NTPCR: variants seen among roughly 807,000 people sequenced by gnomAD.
NTPCR encodes cancer-related nucleoside-triphosphatase.
A neutral mutation model predicts 19.5 loss-of-function variants in NTPCR; 15 were observed. The observed-to-expected ratio is 0.77, with a 90% CI of 0.51 to 1.18. The LOEUF (loss-of-function observed/expected upper bound fraction) is 1.18, where lower values mean the gene tolerates loss of function less well. Among genes scored for constraint, NTPCR ranks in the 50% most tolerant of loss-of-function variants. The pLI, the probability that NTPCR is intolerant of heterozygous loss-of-function variation, is 0.00. For missense variants in NTPCR, 206 were observed against 240.4 expected (o/e 0.86, Z 0.95); for synonymous variants, 90 against 95.8 (o/e 0.94, Z 0.36).
chr1:232,952,652 A>G (rs1668401358), intron 1 of NTPCR, among the ~76,000 whole-genome samples: 1 of 151,514 alleles, frequency 6.6e-6, no homozygotes, highest in Non-Finnish European at 1.5e-5. Context: ...CTAGTACTAC[A>G]GGCATGCACC....
chr1:232,968,966 G>A (rs1219668851), intron 3 of NTPCR: 1 of 152,224 alleles, frequency 6.6e-6, no homozygotes. Flanking sequence ...TTAGTTATAT[G>A]TTGCTATGGA....
Position 232,955,733 on chromosome 1 carries a change from A to T in NTPCR, c.197+14A>T, listed in dbSNP as rs375009699. The T allele has an allele frequency of 1.2e-6, 2 of 1,612,232 alleles. No homozygotes were observed. The highest frequency in any genetic ancestry group is 1.7e-6 in the Non-Finnish European group (2 of 1,178,882). Reference sequence around the variant, plus strand: ...ATCGAGAGTTGGGTACTGATATTTCATTTCTGTGGTGTTCTATTATCTAAG... The same window carrying T: ...ATCGAGAGTTGGGTACTGATATTTCTTTTCTGTGGTGTTCTATTATCTAAG... On this transcript the variant is annotated intron_variant, in intron 2 of 4. Transcript: ENST00000366628.
At chr1:232,975,398 A>G (rs942865193) in intron 4 of NTPCR, among the ~76,000 whole-genome samples, 2 of 152,232 alleles carry the variant, frequency 1.3e-5, no homozygotes, top group Non-Finnish European at 2.9e-5. Flanking sequence ...TGCTGGGCAC[A>G]GATGCAGTAC....
In NTPCR at chr1:232,980,088, CT is replaced by C. The variant is rs1360519845; in HGVS notation, c.*1860del. On this transcript the variant is annotated 3_prime_UTR_variant, in exon 5 of 5. Coordinates refer to ENST00000366628, the MANE Select transcript of NTPCR (RefSeq NM_032324.3). Reference sequence around the variant, plus strand: ...GTTTCAGCCGTGTCTGTTTTGTAGACTTTGATTTTGTCTTAAATGAGAAAGA... The same window carrying C: ...GTTTCAGCCGTGTCTGTTTTGTAGACTTGATTTTGTCTTAAATGAGAAAGA... 6.6e-6 allele frequency: 1 copy of C among 152,200 alleles called. No homozygotes were observed. Among genetic ancestry groups the C allele is most frequent in the Non-Finnish European group, 1.5e-5 (1 of 68,060 alleles). The allele number at this position is 152,200 out of a possible 1,614,324, so 9.4% of individuals were successfully genotyped here.
intron 2 of NTPCR, 49 bp from the exon 3 acceptor site, chr1:232,956,298 A>C (rs1216714739): frequency 7.3e-7 from 1 of 1,372,428 alleles, no homozygotes; most frequent in Non-Finnish European, 1.0e-6. Flanking sequence ...AAAAACCAGA[A>C]ATCAATACAG....
chr1:232,967,431 A>G (rs1355307651), intron 3 of NTPCR: 4 of 152,176 alleles, frequency 2.6e-5, no homozygotes. Context: ...TTCTGGACAG[A>G]TTGAGGATTT....
At chr1:232,969,178 C>G (rs1386307518) in intron 3 of NTPCR, 2 of 152,306 alleles carry the variant, frequency 1.3e-5, no homozygotes, top group African/African-American at 4.8e-5. Context: ...GGTTCATTTC[C>G]TCTTGGCTGT....
At position 232,978,245 on chromosome 1, in the gene NTPCR, C is replaced by T. The variant is rs761539064; in HGVS notation, c.*14C>T. 1.9e-5 allele frequency: 30 copies of T among 1,612,466 alleles called. No homozygotes were observed. Among genetic ancestry groups the T allele is most frequent in the Non-Finnish European group, 2.5e-5 (30 of 1,178,694 alleles). On this transcript the variant is annotated 3_prime_UTR_variant, in exon 5 of 5. Transcript: ENST00000366628. ...AGCAGGAAGTGAAGACACGTGCATT[C>T]CTGCCTTCCGTGAAGGAGTGCCCAG...
intron 3 of NTPCR, chr1:232,963,922 G>A (rs778113166): frequency 6.6e-6 from 1 of 151,170 alleles, no homozygotes; most frequent in Non-Finnish European, 1.5e-5. Context: ...TTGAGAATAC[G>A]TTGCAATCAT....
In NTPCR at chr1:232,956,375, T is replaced by C. The variant is rs1668512499; in HGVS notation, c.226T>C (p.Cys76Arg). ...GLEPPPGKRE[C>R]RVGQYVVDLT... ...AGAGCCTCCACCTGGAAAACGTGAA[T>C]GCCGAGTTGGGCAGTATGTGGTCGA... The change falls in exon 3 of 5, where the codon TGC (cysteine) becomes CGC (arginine). Residue 76 changes from cysteine to arginine, a missense_variant. Coordinates refer to ENST00000366628, the MANE Select transcript of NTPCR (RefSeq NM_032324.3). 1 of 1,613,970 alleles carries C rather than the reference T, an allele frequency of 6.2e-7. No homozygotes were observed. Among genetic ancestry groups the C allele is most frequent in the Middle Eastern group, 1.6e-4 (1 of 6,062 alleles).
chr1:232,960,650 T>C (rs369423963), intron 3 of NTPCR, among the ~76,000 whole-genome samples: 7 of 152,234 alleles, frequency 4.6e-5, no homozygotes, highest in African/African-American at 1.7e-4. Context: ...CCTGGTTACG[T>C]TTCTTTAGGC....
intron 1 of NTPCR, 67 bp downstream of exon 1, chr1:232,950,811 C>A: frequency 1.8e-6 from 2 of 1,128,806 alleles, no homozygotes; most frequent in African/African-American, 1.6e-5. Context: ...TGCGGGCGAC[C>A]TTGTGCTGTC....
intron 1 of NTPCR, 91 bp from the exon 2 acceptor site, chr1:232,955,466 G>C: frequency 2.9e-6 from 3 of 1,045,758 alleles, no homozygotes; most frequent in Non-Finnish European, 4.0e-6. Context: ...CATAATTGCT[G>C]CCTCAGAGTC....
Position 232,955,726 on chromosome 1 carries a change from A to T in NTPCR, c.197+7A>T. 1 of 1,612,906 alleles carries T rather than the reference A, an allele frequency of 6.2e-7. No homozygotes were observed. The highest frequency in any genetic ancestry group is 8.5e-7 in the Non-Finnish European group (1 of 1,179,284). ...GGCCTTTATCGAGAGTTGGGTACTGATATTTCATTTCTGTGGTGTTCTATT... is the reference window on the plus strand; with the variant it reads ...GGCCTTTATCGAGAGTTGGGTACTGTTATTTCATTTCTGTGGTGTTCTATT... On this transcript the variant is annotated splice_region_variant and intron_variant, in intron 2 of 4. Transcript: ENST00000366628.
Position 232,955,697 on chromosome 1 carries a change from CG to C in NTPCR, c.180del (p.Pro61LeufsTer7). On this transcript the variant is annotated frameshift_variant, in exon 2 of 5. Transcript: ENST00000366628. LOFTEE classifies it high-confidence loss of function. ...GFDVVTLSGTRGPLSRVGLEP... is the reference protein window; with the variant it reads ...GFDVVTLSGTXGPLSRVGLEP... ...CGATGTCGTCACGTTGTCCGGCACC[CG>C]GGGGCCTTTATCGAGAGTTGGGTAC... 1 of 1,613,674 alleles carries C rather than the reference CG, an allele frequency of 6.2e-7. No homozygotes were observed. The highest frequency in any genetic ancestry group is 8.5e-7 in the Non-Finnish European group (1 of 1,179,738).
intron 3 of NTPCR, chr1:232,965,592 A>G (rs1047226115): frequency 6.6e-6 from 1 of 152,390 alleles, no homozygotes; most frequent in Non-Finnish European, 1.5e-5. Context: ...TCCCTTCACA[A>G]TTTGGTTTGT....
At position 232,982,356 on chromosome 1, in the gene NTPCR, G is replaced by A. The variant is rs1669304830; in HGVS notation, c.*4125G>A. Reference sequence around the variant, plus strand: ...GGTGCAGTTGCCTGCGGATGTGTGTGCACATCTGTGCCTCGGTATGCACAC... The same window carrying A: ...GGTGCAGTTGCCTGCGGATGTGTGTACACATCTGTGCCTCGGTATGCACAC... On this transcript the variant is annotated 3_prime_UTR_variant, in exon 5 of 5. Transcript: ENST00000366628. 1 of 152,228 alleles carries A rather than the reference G, an allele frequency of 6.6e-6. No individual in the cohort carries two copies. Among genetic ancestry groups the A allele is most frequent in the Admixed American group, 6.5e-5 (1 of 15,286 alleles). The allele number at this position is 152,228 out of a possible 1,614,324, so 9.4% of individuals were successfully genotyped here.
chr1:232,971,280 A>G (rs1668968726), intron 4 of NTPCR, among the ~76,000 whole-genome samples: 1 of 152,210 alleles, frequency 6.6e-6, no homozygotes, highest in African/African-American at 2.4e-5. Flanking sequence ...GCAAGTGCCA[A>G]GTGAACAAGT....
intron 4 of NTPCR, among the ~76,000 whole-genome samples, chr1:232,972,286 C>A (rs867442267): frequency 1.3e-5 from 2 of 151,908 alleles, no homozygotes; most frequent in African/African-American, 4.8e-5. Flanking sequence ...CCTTCTGTTT[C>A]AGTTTTATTT....
Sources: allele counts gnomAD v4.1 joint callset (sites outside exome capture counted in the v4.1 genomes callset), GRCh38; gene constraint gnomAD v4.1.1; transcripts MANE v1.5; gene names NCBI Gene and HGNC (gene_info 2026-07-23, HGNC 2026-07-21).